The following OCA2 variants were observed in gnomAD, a reference collection of about 807,000 sequenced individuals.
The protein encoded by OCA2 is P protein.
Under a neutral mutation model 100.2 loss-of-function variants are expected in OCA2, and 77 were observed. The observed-to-expected ratio is 0.77, with a 90% CI of 0.64 to 0.93. OCA2 has a LOEUF of 0.93. OCA2 is among the 40% of genes least tolerant of loss of function. The pLI, the probability that OCA2 is intolerant of heterozygous loss-of-function variation, is 0.00. For synonymous variants in OCA2, 432 were observed against 439.2 expected (o/e 0.98, Z 0.21); for missense variants, 1,062 against 1,089.1 (o/e 0.98, Z 0.35).
chr15:27,852,493 C>T (rs28602661), intron 21 of OCA2, among the ~76,000 whole-genome samples: 17,265 of 152,138 alleles, frequency 0.11, 2,335 homozygotes, highest in African/African-American at 0.32. Flanking sequence ...TAGGCAATAC[C>T]ATTCAGGACA....
intron 18 of OCA2, among the ~76,000 whole-genome samples, chr15:27,933,634 G>A: frequency 6.6e-6 from 1 of 152,200 alleles, no homozygotes; most frequent in African/African-American, 2.4e-5. Context: ...TACAGTTAAA[G>A]GGGGTTTTTC....
chr15:27,926,115 C>T lies in OCA2; in HGVS notation c.2079+12G>A. 1.2e-6 allele frequency: 2 copies of T among 1,614,000 alleles called. No homozygotes were observed. The highest frequency in any genetic ancestry group is 1.7e-6 in the Non-Finnish European group (2 of 1,179,944). On this transcript the variant is annotated intron_variant, in intron 19 of 23. Transcript: ENST00000354638. ...GGTAAAATGCCATATGGCAAAAGTT[C>T]TAAAATCTTACCTCCATCAGAACAA...
intron 7 of OCA2, among the ~76,000 whole-genome samples, 186 bp downstream of exon 7, chr15:28,018,211 C>T (rs2042463381): frequency 6.6e-6 from 1 of 151,944 alleles, no homozygotes; most frequent in African/African-American, 2.4e-5. Context: ...GCAAGAGTTT[C>T]ATAAATAGAG....
intron 19 of OCA2, among the ~76,000 whole-genome samples, chr15:27,893,974 ACT>A (rs2037577858): frequency 6.6e-6 from 1 of 151,498 alleles, no homozygotes; most frequent in Admixed American, 6.6e-5. Flanking sequence ...CTTTGTACTT[ACT>A]CTCTGTTCTT....
intron 19 of OCA2, among the ~76,000 whole-genome samples, chr15:27,905,884 G>C (rs2038158316): frequency 6.6e-6 from 1 of 152,198 alleles, no homozygotes; most frequent in Non-Finnish European, 1.5e-5. Flanking sequence ...AAAACTACAA[G>C]CCCACACTTC....
At chr15:27,952,072 A>G (rs1204533817) in intron 17 of OCA2, among the ~76,000 whole-genome samples, 180 bp from the exon 18 acceptor site, 1 of 152,230 alleles carries the variant, frequency 6.6e-6, no homozygotes, top group Non-Finnish European at 1.5e-5. Context: ...ATTCAGGATT[A>G]CTGCATTCAA....
intron 18 of OCA2, among the ~76,000 whole-genome samples, chr15:27,932,888 C>T (rs535840114): frequency 1.1e-3 from 162 of 151,914 alleles, no homozygotes; most frequent in South Asian, 4.4e-3. Flanking sequence ...ATAATAACCC[C>T]GGGGAAGGGA....
chr15:27,984,403 A>C (rs2041273273), intron 13 of OCA2, among the ~76,000 whole-genome samples: 1 of 151,970 alleles, frequency 6.6e-6, no homozygotes, highest in African/African-American at 2.4e-5. Context: ...CATCCCCTAC[A>C]CCTGCTCATC....
intron 23 of OCA2, among the ~76,000 whole-genome samples, chr15:27,832,220 A>G (rs2034989048): frequency 6.6e-6 from 1 of 150,794 alleles, no homozygotes; most frequent in African/African-American, 2.4e-5. Flanking sequence ...TCCAAACCCT[A>G]CCCCACTGGC....
In OCA2 at chr15:27,858,762, A is replaced by T. The variant is rs1482147339; in HGVS notation, c.2245-7287T>A. On this transcript the variant is annotated intron_variant, in intron 21 of 23. Transcript: ENST00000354638. Reference sequence around the variant, plus strand: ...GATATTTCTACTATAAAATTTGGAGACATAAAATATTCCCCAAGATAGACC... The same window carrying T: ...GATATTTCTACTATAAAATTTGGAGTCATAAAATATTCCCCAAGATAGACC... Among the ~76,000 whole-genome samples, 7 of 152,160 alleles carry T rather than the reference A, an allele frequency of 4.6e-5. No individual in the cohort carries two copies. The South Asian group carries it at 1.4e-3, about 31-fold the overall frequency.
intron 19 of OCA2, among the ~76,000 whole-genome samples, chr15:27,899,705 G>A (rs938528252): frequency 6.6e-6 from 1 of 152,208 alleles, no homozygotes; most frequent in African/African-American, 2.4e-5. Flanking sequence ...TGACTTGATA[G>A]AACAGTGGCC....
rs956808552 is a variant in OCA2 at position 28,043,499 on chromosome 15, C to T, written c.228-11336G>A. On this transcript the variant is annotated intron_variant, in intron 2 of 23. Coordinates refer to ENST00000354638, the MANE Select transcript of OCA2 (RefSeq NM_000275.3). The surrounding 1 kb of genome is among the most constrained non-coding windows in gnomAD (Gnocchi z 4.4). The stretch of plus-strand genomic sequence containing the variant: ...CACACAGGTAGTAAAACAGAACATT[C>T]GATCCTTGGGCTTAAGTAATTCCTC... 2.6e-5 allele frequency among the ~76,000 whole-genome samples: 4 copies of T among 152,298 alleles called. No homozygotes were observed. The highest frequency in any genetic ancestry group is 3.9e-4 in the East Asian group (2 of 5,184).
chr15:28,055,329 TCAC>T (rs531033894), intron 2 of OCA2, among the ~76,000 whole-genome samples: 1 of 150,350 alleles, frequency 6.7e-6, no homozygotes, highest in South Asian at 2.1e-4. Flanking sequence ...ATATCTGATC[TCAC>T]ACTTGCATTT....
intron 2 of OCA2, among the ~76,000 whole-genome samples, chr15:28,041,785 CATA>C (rs1273461260): frequency 3.9e-5 from 6 of 152,052 alleles, no homozygotes; most frequent in Admixed American, 1.3e-4. Context: ...ATCTTAGAAA[CATA>C]ATGTTGCATG....
intron 23 of OCA2, among the ~76,000 whole-genome samples, chr15:27,791,876 A>G (rs2033098690): frequency 6.6e-6 from 1 of 151,982 alleles, no homozygotes; most frequent in Admixed American, 6.5e-5. Context: ...ACATTTGCCA[A>G]TGTTTTATGA....
intron 21 of OCA2, among the ~76,000 whole-genome samples, chr15:27,860,257 T>C (rs1024451223): frequency 2.6e-5 from 4 of 152,168 alleles, no homozygotes; most frequent in African/African-American, 4.8e-5. Context: ...TCTGTGTGAA[T>C]AGAATCTCAG....
intron 2 of OCA2, among the ~76,000 whole-genome samples, chr15:28,033,460 C>G (rs7176759): frequency 0.099 from 15,034 of 152,174 alleles, 2,341 homozygotes; most frequent in African/African-American, 0.33. Flanking sequence ...AATAAGACTT[C>G]TGTGGATGAA....
At chr15:27,789,196 T>C (rs1227344094) in intron 23 of OCA2, among the ~76,000 whole-genome samples, 1 of 139,756 alleles carries the variant, frequency 7.2e-6, no homozygotes, top group South Asian at 2.6e-4. Flanking sequence ...TTTCCAGTGC[T>C]CTTTTTTTTT....
intron 15 of OCA2, among the ~76,000 whole-genome samples, chr15:27,961,187 CAT>C (rs1192283494): frequency 1.3e-5 from 2 of 152,242 alleles, no homozygotes; most frequent in African/African-American, 2.4e-5. Flanking sequence ...GACCAACAAA[CAT>C]ATGAAAAAAA....
Sources: allele counts gnomAD v4.1 joint callset (sites outside exome capture counted in the v4.1 genomes callset), GRCh38; gene constraint gnomAD v4.1.1; non-coding constraint Gnocchi (gnomAD v3.1); transcripts MANE v1.5; gene names NCBI Gene and HGNC (gene_info 2026-07-23, HGNC 2026-07-21).